Variants in FAM200C observed in about 807,000 individuals in gnomAD.
chr5:160,396,860 G>T, the FAM200C span, among the ~76,000 whole-genome samples: 1 of 152,156 alleles, frequency 6.6e-6, no homozygotes, highest in Non-Finnish European at 1.5e-5. Context: ...AGGGAAAGCA[G>T]TCAAGAACAC....
chr5:160,394,523 C>T, the FAM200C span: 1 of 1,614,104 alleles, frequency 6.2e-7, no homozygotes, highest in South Asian at 1.1e-5. Flanking sequence ...AAGGAGGACA[C>T]TATATTCTAT....
the FAM200C span, chr5:160,399,805 G>GGTCT: frequency 6.6e-6 from 1 of 151,284 alleles, no homozygotes; most frequent in Non-Finnish European, 1.5e-5. Context: ...GACTCAGCGC[G>GGTCT]GTCTCCGCCC....
chr5:160,395,218 T>C, the FAM200C span: 2 of 1,613,868 alleles, frequency 1.2e-6, no homozygotes, highest in South Asian at 1.1e-5. Flanking sequence ...ATGCTTGTAA[T>C]AAAGTATCCT....
At chr5:160,394,116 GGAA>G in the FAM200C span, 2 of 1,613,400 alleles carry the variant, frequency 1.2e-6, no homozygotes, top group Non-Finnish European at 8.5e-7. Flanking sequence ...AAATATCCAT[GGAA>G]GAAGTTGCTC....
the FAM200C span, chr5:160,395,186 C>A: frequency 2.5e-6 from 4 of 1,613,674 alleles, no homozygotes; most frequent in African/African-American, 5.3e-5. Flanking sequence ...CTCCTTGGCA[C>A]ATAAATACGC....
the FAM200C span, chr5:160,394,902 C>G: frequency 1.9e-6 from 3 of 1,612,838 alleles, no homozygotes; most frequent in Non-Finnish European, 2.5e-6. Context: ...ATCTCTCTTT[C>G]TTTTATATAG....
the FAM200C span, chr5:160,393,632 GAA>G: frequency 1.8e-6 from 2 of 1,102,146 alleles, no homozygotes; most frequent in South Asian, 1.5e-5. Flanking sequence ...TCATAAATAT[GAA>G]AGAGACAGAA....
chr5:160,395,328 G>A, the FAM200C span: 1 of 1,614,176 alleles, frequency 6.2e-7, no homozygotes, highest in Non-Finnish European at 8.5e-7. Context: ...ACACCACCAT[G>A]CTGTCTGTTA....
the FAM200C span, among the ~76,000 whole-genome samples, chr5:160,396,698 G>GAAAAAAAAAAAAAAAAAA: frequency 2.1e-5 from 1 of 48,400 alleles, no homozygotes; most frequent in Non-Finnish European, 4.7e-5. Flanking sequence ...AGTCTCTGTG[G>GAAAAAAAAAAAAAAAAAA]AAAAAAAAAA....
At chr5:160,398,661 T>A in the FAM200C span, among the ~76,000 whole-genome samples, 1 of 152,188 alleles carries the variant, frequency 6.6e-6, no homozygotes, top group East Asian at 1.9e-4. Context: ...TTTAGGAAAA[T>A]CAATTTAAAG....
chr5:160,396,697 G>GAAAAAAAAAAAA, the FAM200C span, among the ~76,000 whole-genome samples: 2 of 49,264 alleles, frequency 4.1e-5, no homozygotes, highest in Non-Finnish European at 4.7e-5. Flanking sequence ...AAGTCTCTGT[G>GAAAAAAAAAAAA]GAAAAAAAAA....
At chr5:160,396,933 G>A in the FAM200C span, among the ~76,000 whole-genome samples, 1 of 152,192 alleles carries the variant, frequency 6.6e-6, no homozygotes, top group Non-Finnish European at 1.5e-5. Flanking sequence ...AAGACAGGAT[G>A]TAGAAGGCCC....
At chr5:160,394,614 T>C in the FAM200C span, 5 of 1,614,144 alleles carry the variant, frequency 3.1e-6, no homozygotes, top group East Asian at 6.7e-5. Context: ...CTCACCACAG[T>C]AAACAGAGCA....
At chr5:160,394,783 T>C in the FAM200C span, 6 of 1,613,896 alleles carry the variant, frequency 3.7e-6, no homozygotes, top group East Asian at 1.3e-4. Context: ...CAGAGCCACA[T>C]ACATCAAGTG....
At chr5:160,395,554 T>C in the FAM200C span, 3 of 1,325,642 alleles carry the variant, frequency 2.3e-6, no homozygotes, top group Admixed American at 1.8e-5. Context: ...GGGAGTAAAA[T>C]ATAACCCACA....
the FAM200C span, chr5:160,395,615 A>C: frequency 1.3e-6 from 1 of 763,438 alleles, no homozygotes; most frequent in Non-Finnish European, 2.3e-6. Context: ...ATCACATGCT[A>C]TCTTGTATAT....
At chr5:160,396,998 TG>T in the FAM200C span, among the ~76,000 whole-genome samples, 6 of 152,344 alleles carry the variant, frequency 3.9e-5, no homozygotes, top group East Asian at 1.2e-3. Context: ...GAATCTGTAT[TG>T]TAAGTATTTT....
At chr5:160,398,969 G>T in the FAM200C span, among the ~76,000 whole-genome samples, 1 of 152,162 alleles carries the variant, frequency 6.6e-6, no homozygotes, top group African/African-American at 2.4e-5. Context: ...GGATTCCTTT[G>T]AAATACGTAC....
the FAM200C span, among the ~76,000 whole-genome samples, chr5:160,396,136 C>T: frequency 6.6e-6 from 1 of 152,100 alleles, no homozygotes; most frequent in South Asian, 2.1e-4. Context: ...CATCTACTCC[C>T]TCCCACCCCA....
Sources: allele counts gnomAD v4.1 joint callset (sites outside exome capture counted in the v4.1 genomes callset), GRCh38; gene constraint gnomAD v4.1.1; transcripts MANE v1.5.